Variants in DDX46 observed in about 807,000 individuals in gnomAD.
DDX46 encodes the protein probable ATP-dependent RNA helicase DDX46.
DDX46 carries 30 observed loss-of-function variants against 134.9 expected under a neutral mutation model. That is an observed-to-expected ratio of 0.22 (90% CI 0.17 to 0.30). The LOEUF is 0.30. Ranked by LOEUF, DDX46 falls within the 10% of genes least tolerant of loss-of-function variation. DDX46 has a pLI of 1.00. For missense variants in DDX46, 622 were observed against 1,248.7 expected (o/e 0.50, Z 7.56); for synonymous variants, 415 against 404.1 (o/e 1.03, Z -0.32).
intron 3 of DDX46, among the ~76,000 whole-genome samples, chr5:134,768,339 T>G (rs1337151233): frequency 1.3e-5 from 2 of 151,770 alleles, no homozygotes; most frequent in African/African-American, 4.8e-5. Flanking sequence ...CTCGATCTCC[T>G]GATCTCGTGA....
In DDX46 at chr5:134,819,007, A is replaced by G. The variant is rs1487101568; in HGVS notation, c.2977+3A>G. The G allele has an allele frequency of 6.2e-7, 1 of 1,613,222 alleles. No individual in the cohort carries two copies. The highest frequency in any genetic ancestry group is 8.5e-7 in the Non-Finnish European group (1 of 1,179,632). On this transcript the variant is annotated splice_donor_region_variant and intron_variant, in intron 21 of 22. Coordinates refer to ENST00000452510, the MANE Select transcript of DDX46 (RefSeq NM_001300860.2). Reference sequence around the variant, plus strand: ...GAAGATTTACTTGGCAATTGAAAGTATGTACTGTTAGTTCTGTTTCAATCT... The same window carrying G: ...GAAGATTTACTTGGCAATTGAAAGTGTGTACTGTTAGTTCTGTTTCAATCT...
Position 134,795,008 on chromosome 5 carries a change from A to G in DDX46, c.1785A>G (p.Gln595=), listed in dbSNP as rs755008278. The G allele has an allele frequency of 2.5e-6, 4 of 1,614,020 alleles. No homozygotes were observed. Among genetic ancestry groups the G allele is most frequent in the African/African-American group, 2.7e-5 (2 of 75,032 alleles). Residue 595 remains glutamine (Q), a synonymous_variant, in exon 14 of 23, where the codon CAA becomes CAG. Coordinates refer to ENST00000452510, the MANE Select transcript of DDX46 (RefSeq NM_001300860.2). ...GRSVVCSDVE[Q]QVIVIEEEKK... ...GTGTGGTTTGCTCAGATGTGGAGCA[A>G]CAAGTGGTGGGTACCATCTTTAGGA...
chr5:134,790,130 T>C, intron 12 of DDX46: 1 of 481,616 alleles, frequency 2.1e-6, no homozygotes, highest in Non-Finnish European at 4.1e-6. Context: ...TAATGGCTGA[T>C]GTGGCTCGAT....
chr5:134,784,525 A>G lies in DDX46; in HGVS notation c.1326A>G (p.Glu442=), dbSNP rs1365065251. The G allele has an allele frequency of 6.2e-7, 1 of 1,605,832 alleles. No homozygotes were observed. The highest frequency in any genetic ancestry group is 8.5e-7 in the Non-Finnish European group (1 of 1,177,554). ...TCATGGATCAGAGGTCATTAGAGGA[A>G]GGAGAGGGGCCAATAGGTACAATTC... ...RHIMDQRSLE[E]GEGPIAVIMT... The change falls in exon 10 of 23, where the codon GAA becomes GAG. Residue 442 remains glutamate, a synonymous_variant. Transcript: ENST00000452510.
intron 21 of DDX46, among the ~76,000 whole-genome samples, chr5:134,825,225 G>A (rs1459602327): frequency 6.6e-6 from 1 of 152,116 alleles, no homozygotes; most frequent in East Asian, 1.9e-4. Context: ...ACCAAGCAAC[G>A]TGTTTTCCTC....
chr5:134,783,125 C>T, intron 9 of DDX46, 60 bp downstream of exon 9: 2 of 1,571,292 alleles, frequency 1.3e-6, no homozygotes, highest in Non-Finnish European at 1.7e-6. Flanking sequence ...AGTCCTTCCA[C>T]ACCAGTGTCT....
At chr5:134,826,671 G>C in intron 21 of DDX46, 1 of 292,110 alleles carries the variant, frequency 3.4e-6, no homozygotes, top group Non-Finnish European at 6.3e-6. Context: ...ATCACTAATA[G>C]TCTTTTTATT....
At chr5:134,826,806 C>A in intron 21 of DDX46, 141 bp from the exon 22 acceptor site, 2 of 640,066 alleles carry the variant, frequency 3.1e-6, no homozygotes, top group South Asian at 2.6e-5. Flanking sequence ...AATGTTCCAC[C>A]AGGCATTAAA....
At chr5:134,777,898 ATAAG>A in intron 6 of DDX46, 173 bp downstream of exon 6, 1 of 654,264 alleles carries the variant, frequency 1.5e-6, no homozygotes, top group Non-Finnish European at 2.4e-6. Context: ...AATTTTAGCT[ATAAG>A]TGTTCTTTCA....
chr5:134,782,825 GGT>G, intron 8 of DDX46, 118 bp from the exon 9 acceptor site: 3 of 1,287,176 alleles, frequency 2.3e-6, no homozygotes, highest in East Asian at 5.3e-5. Flanking sequence ...TAGGATTACA[GGT>G]GTGAGCCGCT....
chr5:134,795,735 A>G (rs1754637946), intron 14 of DDX46, among the ~76,000 whole-genome samples: 1 of 152,176 alleles, frequency 6.6e-6, no homozygotes, highest in Non-Finnish European at 1.5e-5. Flanking sequence ...TATCTATTTT[A>G]TTTCTTGGTT....
rs1010822975 is a variant in DDX46, at chr5:134,796,068, A to G, written c.1872A>G (p.Ile624Met). ...ATCAAGAGTCAGGATCTGTCATTAT[A>G]TTTGTGGATAAGCAGGAACATGCTG... ...GHYQESGSVI[I>M]FVDKQEHADG... The change falls in exon 15 of 23, where the codon ATA becomes ATG. Residue 624 changes from isoleucine (I) to methionine (M), a missense_variant. This residue lies in a region of DDX46 where 209 missense variants were observed against 508.4 expected (regional missense o/e 0.41). Coordinates refer to ENST00000452510, the MANE Select transcript of DDX46 (RefSeq NM_001300860.2). 1.9e-6 allele frequency: 3 copies of G among 1,613,848 alleles called. No homozygotes were observed. The highest frequency in any genetic ancestry group is 1.3e-5 in the African/African-American group (1 of 74,930).
intron 15 of DDX46, among the ~76,000 whole-genome samples, chr5:134,796,903 G>A (rs1157814956): frequency 1.3e-5 from 2 of 149,126 alleles, no homozygotes; most frequent in African/African-American, 5.0e-5. Context: ...TGTAATCCCA[G>A]AACTTTGAGA....
intron 5 of DDX46, among the ~76,000 whole-genome samples, chr5:134,777,189 G>A (rs932349782): frequency 1.3e-5 from 2 of 152,226 alleles, no homozygotes; most frequent in African/African-American, 4.8e-5. Flanking sequence ...CTGTACTCCA[G>A]CCTGGGTGAC....
In DDX46 at chr5:134,810,682, A is replaced by C. The variant is rs188008886; in HGVS notation, c.2149-539A>C. Among the ~76,000 whole-genome samples the C allele has an allele frequency of 3.3e-3, 508 of 151,794 alleles. 5 individuals are homozygous for C. The highest frequency in any genetic ancestry group is 0.027 in the Middle Eastern group (8 of 294). ...TCTACCTCTGTGTAAAGAAATTAGA[A>C]ATTTTCTAGTTTGCTTGTGTTATTT... On this transcript the variant is annotated intron_variant, in intron 16 of 22. Coordinates refer to ENST00000452510, the MANE Select transcript of DDX46 (RefSeq NM_001300860.2).
intron 20 of DDX46, among the ~76,000 whole-genome samples, 164 bp downstream of exon 20, chr5:134,817,878 A>G (rs111615967): frequency 3.5e-4 from 54 of 152,206 alleles, no homozygotes; most frequent in African/African-American, 1.2e-3. Flanking sequence ...TGTTCAAGGT[A>G]CATTAGGATC....
chr5:134,763,857 G>GTGTAATAA (rs1327787140), intron 1 of DDX46, 47 bp from the exon 2 acceptor site: 1 of 1,501,588 alleles, frequency 6.7e-7, no homozygotes, highest in African/African-American at 1.4e-5. Flanking sequence ...AAATGTAATA[G>GTGTAATAA]AAGCTAATGG....
Position 134,777,647 on chromosome 5 carries a change from T to A in DDX46, c.687T>A (p.Asp229Glu). ...EMEGEELDPL[D>E]AYMEEVKEEV... ...AGGGTGAGGAGTTAGATCCATTAGATGCTTACATGGAAGAAGTGAAAGAGG... is the reference window on the plus strand; with the variant it reads ...AGGGTGAGGAGTTAGATCCATTAGAAGCTTACATGGAAGAAGTGAAAGAGG... Residue 229 changes from aspartate to glutamate, a missense_variant, in exon 6 of 23, where the codon GAT (aspartate) becomes GAA (glutamate). Physicochemically the swap from Asp to Glu is conservative, Grantham distance 45. Transcript: ENST00000452510. 6.2e-7 allele frequency: 1 copy of A among 1,613,872 alleles called. No homozygotes were observed. The highest frequency in any genetic ancestry group is 8.5e-7 in the Non-Finnish European group (1 of 1,179,920).
rs1283499169 is a variant in DDX46, at chr5:134,828,639, T to C, written c.3052-20T>C. On this transcript the variant is annotated intron_variant, in intron 22 of 22. Transcript: ENST00000452510. ...TTGTTTTGCTTTCTCTGATGACATA[T>C]CTTTTATTTCCTATTACAGCAAAAT... 8 of 1,460,670 alleles carry C rather than the reference T, an allele frequency of 5.5e-6. No individual in the cohort carries two copies. The highest frequency in any genetic ancestry group is 7.3e-6 in the Non-Finnish European group (8 of 1,099,676). 90.5% of individuals were successfully genotyped at this position (1,460,670 alleles called of 1,614,324 possible). A position where few individuals can be genotyped will look rare whatever the true frequency, so the allele number is the denominator to read the frequency against.
Sources: gnomAD v4.1 joint callset for allele counts (sites outside exome capture counted in the v4.1 genomes callset) on GRCh38, gnomAD v4.1.1 for gene constraint, gnomAD v4.1.1 regional missense constraint, MANE v1.5 for transcripts, NCBI Gene and HGNC (gene_info 2026-07-23, HGNC 2026-07-21) for gene names.